KCTD19: variants seen among roughly 807,000 people sequenced by gnomAD.
KCTD19 encodes the protein BTB/POZ domain-containing protein KCTD19.
Under a neutral mutation model 103.5 loss-of-function variants are expected in KCTD19, and 67 were observed. The ratio of observed to expected loss-of-function variants is 0.65; its 90% CI spans 0.53 to 0.79. KCTD19 has a LOEUF of 0.79. KCTD19 is among the 30% of genes least tolerant of loss of function. The pLI is 0.00. For missense variants in KCTD19, 980 were observed against 1,136.1 expected (o/e 0.86, Z 1.98); for synonymous variants, 439 against 452.2 (o/e 0.97, Z 0.37).
In KCTD19 at chr16:67,310,955, A is replaced by G. The variant is rs371503705; in HGVS notation, c.301-6384T>C. Among the ~76,000 whole-genome samples the G allele has an allele frequency of 3.3e-5, 5 of 152,296 alleles. No individual in the cohort carries two copies. In the East Asian group the frequency reaches 5.8e-4, roughly 18 times the overall value. On this transcript the variant is annotated intron_variant, in intron 2 of 15. Coordinates refer to ENST00000304372, the MANE Select transcript of KCTD19 (RefSeq NM_001100915.3). ...CAGCTGCTGTCAGCCCCCAAAGCCA[A>G]ATAAGACGCAGCTTTCGGCATTTAA...
chr16:67,290,336 C>G (rs2036669238), intron 15 of KCTD19, among the ~76,000 whole-genome samples: 2 of 151,988 alleles, frequency 1.3e-5, no homozygotes, highest in Non-Finnish European at 2.9e-5. Flanking sequence ...CACCACCACG[C>G]CTGGCTAATT....
chr16:67,303,211 T>C lies in KCTD19; in HGVS notation c.578A>G (p.Asn193Ser), dbSNP rs1174156819. Residue 193 changes from asparagine (N) to serine (S), a missense_variant, in exon 4 of 16, where the codon AAC (asparagine) becomes AGC (serine). Asn to Ser is a conservative substitution (Grantham distance 46). Coordinates refer to ENST00000304372, the MANE Select transcript of KCTD19 (RefSeq NM_001100915.3). The surrounding 1 kb of genome is among the most constrained non-coding windows in gnomAD (Gnocchi z 4.3). ...CACCGTCTCAGCCAGCCACAGCAGG[T>C]TGTCTTCAGTCACTAGGCTGGGATA... The part of the protein sequence containing the change: ...AKYPSLVTED[N>S]LLWLAETVAL... 1.9e-6 allele frequency: 3 copies of C among 1,606,848 alleles called. No individual in the cohort carries two copies. The highest frequency in any genetic ancestry group is 2.6e-6 in the Non-Finnish European group (3 of 1,176,276).
chr16:67,293,755 C>G lies in KCTD19; in HGVS notation c.2007G>C (p.Gln669His), dbSNP rs2036728346. 1.2e-6 allele frequency: 2 copies of G among 1,614,028 alleles called. No individual in the cohort carries two copies. ...RSSPLEEATL[Q>H]LPLGSEAASQ... The stretch of plus-strand genomic sequence containing the variant: ...AAGCAGCCTCGCTTCCCAAGGGGAG[C>G]TGCAGGGTGGCCTCCTCCAAGGGGC... The change falls in exon 12 of 16, where the codon CAG becomes CAC. Residue 669 changes from glutamine (Q) to histidine (H), a missense_variant. Gln to His is a conservative substitution (Grantham distance 24). Coordinates refer to ENST00000304372, the MANE Select transcript of KCTD19 (RefSeq NM_001100915.3). The surrounding 1 kb of genome is among the most constrained non-coding windows in gnomAD (Gnocchi z 4.0).
intron 7 of KCTD19, among the ~76,000 whole-genome samples, chr16:67,296,871 T>C (rs1187852205): frequency 6.6e-6 from 1 of 152,176 alleles, no homozygotes; most frequent in Non-Finnish European, 1.5e-5. Context: ...ATAAGATGTA[T>C]AGAACTAGAC....
In KCTD19 at chr16:67,294,713, G is replaced by T; in HGVS notation, c.1476-19C>A. On this transcript the variant is annotated intron_variant, in intron 10 of 15. Coordinates refer to ENST00000304372, the MANE Select transcript of KCTD19 (RefSeq NM_001100915.3). The stretch of plus-strand genomic sequence containing the variant: ...CCATGACCTGCAGAAACCAAGAGGG[G>T]TTGGTTAGTGAGTAGAGACTTCCAT... 1.3e-6 allele frequency: 2 copies of T among 1,547,104 alleles called. No homozygotes were observed. Among genetic ancestry groups the T allele is most frequent in the Non-Finnish European group, 1.8e-6 (2 of 1,118,800 alleles).
chr16:67,321,587 G>GA (rs1363002704), intron 1 of KCTD19: 7 of 151,752 alleles, frequency 4.6e-5, no homozygotes, highest in African/African-American at 1.7e-4. Flanking sequence ...GAAAATACAA[G>GA]GGATCCAGAA....
intron 1 of KCTD19, 139 bp downstream of exon 1, chr16:67,326,566 C>T: frequency 8.6e-7 from 1 of 1,159,264 alleles, no homozygotes; most frequent in Non-Finnish European, 1.2e-6. Flanking sequence ...CCCCCCAAAT[C>T]CTTCCCGGCT....
chr16:67,305,642 A>AC, intron 2 of KCTD19: 1 of 452,496 alleles, frequency 2.2e-6, no homozygotes, highest in Non-Finnish European at 4.4e-6. Context: ...TAACATCAGC[A>AC]CCCCCTCCCT....
Position 67,294,589 on chromosome 16 carries a change from G to C in KCTD19, c.1581C>G (p.Asp527Glu). The stretch of plus-strand genomic sequence containing the variant: ...GGAGGCTGGTGCTTACTTCTTTAGT[G>C]TCTCTACTGAACTCCACCAGTGACC... ...GPGSLVEFSRDTKETTAYMPV... is the reference protein window; with the variant it reads ...GPGSLVEFSRETKETTAYMPV... Residue 527 changes from aspartate to glutamate, a missense_variant, in exon 11 of 16, where the codon GAC (aspartate) becomes GAG (glutamate). By Grantham distance (45) the Asp-to-Glu change is conservative (BLOSUM62 2). Coordinates refer to ENST00000304372, the MANE Select transcript of KCTD19 (RefSeq NM_001100915.3). 6.2e-7 allele frequency: 1 copy of C among 1,609,654 alleles called. No homozygotes were observed. The highest frequency in any genetic ancestry group is 1.1e-5 in the South Asian group (1 of 90,992).
chr16:67,313,109 G>T (rs954694877), intron 2 of KCTD19, among the ~76,000 whole-genome samples: 2 of 140,986 alleles, frequency 1.4e-5, no homozygotes, highest in Non-Finnish European at 3.0e-5. Context: ...ACTGAAATTA[G>T]AATTTTTTTT....
At position 67,311,211 on chromosome 16, in the gene KCTD19, G is replaced by A. The variant is rs998813767; in HGVS notation, c.301-6640C>T. On this transcript the variant is annotated intron_variant, in intron 2 of 15. Transcript: ENST00000304372. ...GATCACAACAGAATTAGCACTGCTA[G>A]AATGGGGGAATTCAGTCTGTTATGA... Among the ~76,000 whole-genome samples, 5 of 152,324 alleles carry A rather than the reference G, an allele frequency of 3.3e-5. No individual in the cohort carries two copies. The East Asian group carries it at 9.6e-4, about 29-fold the overall frequency.
rs2036800885 is a variant in KCTD19, at chr16:67,298,976, T to C, written c.986+387A>G. Among the ~76,000 whole-genome samples, 3 of 152,260 alleles carry C rather than the reference T, an allele frequency of 2.0e-5. No individual in the cohort carries two copies. The South Asian group carries it at 6.2e-4, about 31-fold the overall frequency. ...GGCTCACCCCTGGCTCTGGCCATTCTGTGTGTCCAGTGAGCCTCCCAAGAG... is the reference window on the plus strand; with the variant it reads ...GGCTCACCCCTGGCTCTGGCCATTCCGTGTGTCCAGTGAGCCTCCCAAGAG... On this transcript the variant is annotated intron_variant, in intron 6 of 15. Transcript: ENST00000304372.
Position 67,326,694 on chromosome 16 carries a change from G to C in KCTD19, c.3+11C>G, listed in dbSNP as rs377462036. 1.9e-5 allele frequency: 30 copies of C among 1,584,628 alleles called. No homozygotes were observed. Among genetic ancestry groups the C allele is most frequent in the Non-Finnish European group, 2.4e-5 (28 of 1,169,866 alleles). On this transcript the variant is annotated intron_variant, in intron 1 of 15. Coordinates refer to ENST00000304372, the MANE Select transcript of KCTD19 (RefSeq NM_001100915.3). ...GTGCTTTTGGCGCCCCCGCCAGAGCGGGCTCCGTACCATGGTCGCGGCTCC... is the reference window on the plus strand; with the variant it reads ...GTGCTTTTGGCGCCCCCGCCAGAGCCGGCTCCGTACCATGGTCGCGGCTCC...
chr16:67,299,688 G>A, intron 5 of KCTD19, 115 bp from the exon 6 acceptor site: 1 of 800,792 alleles, frequency 1.2e-6, no homozygotes, highest in Middle Eastern at 2.3e-4. Flanking sequence ...CTCAGAGGAA[G>A]GATATTTCTT....
At position 67,299,375 on chromosome 16, in the gene KCTD19, A is replaced by G; in HGVS notation, c.974T>C (p.Phe325Ser). The change falls in exon 6 of 16, where the codon TTT (phenylalanine) becomes TCT (serine). Residue 325 changes from phenylalanine (F) to serine (S), a missense_variant. By Grantham distance (155) the Phe-to-Ser change is radical (BLOSUM62 -2). Transcript: ENST00000304372. ...RLYITGNGVLFQHVKNWLGTC... is the reference protein window; with the variant it reads ...RLYITGNGVLSQHVKNWLGTC... ...AGGAGGACCTCACTTGACGTGCTGA[A>G]AGAGGACGCCATTCCCTGTGATGTA... 1 of 1,614,220 alleles carries G rather than the reference A, an allele frequency of 6.2e-7. No individual in the cohort carries two copies. The highest frequency in any genetic ancestry group is 8.5e-7 in the Non-Finnish European group (1 of 1,180,024).
chr16:67,299,214 C>T (rs187140031), intron 6 of KCTD19, 149 bp downstream of exon 6: 43 of 718,030 alleles, frequency 6.0e-5, no homozygotes, highest in African/African-American at 4.1e-4. Flanking sequence ...GGTAGTGTGG[C>T]GGTGCTGGTG....
At chr16:67,290,165 TTC>T (rs1481061738) in intron 15 of KCTD19, among the ~76,000 whole-genome samples, 1 of 146,746 alleles carries the variant, frequency 6.8e-6, no homozygotes, top group Non-Finnish European at 1.5e-5. Context: ...ACTGAATATT[TTC>T]TTTTTTTTTT....
chr16:67,302,305 G>T, intron 4 of KCTD19: 2 of 214,012 alleles, frequency 9.3e-6, no homozygotes, highest in Non-Finnish European at 1.9e-5. Flanking sequence ...TGGGCTGGCG[G>T]GTGGCACTTG....
chr16:67,313,539 AT>A (rs1269423163), intron 2 of KCTD19, among the ~76,000 whole-genome samples: 1 of 152,184 alleles, frequency 6.6e-6, no homozygotes, highest in Non-Finnish European at 1.5e-5. Flanking sequence ...AATTTCGTCC[AT>A]GGGCTGTAGT....
Sources: allele counts gnomAD v4.1 joint callset (sites outside exome capture counted in the v4.1 genomes callset), GRCh38; gene constraint gnomAD v4.1.1; non-coding constraint Gnocchi (gnomAD v3.1); transcripts MANE v1.5; gene names NCBI Gene and HGNC (gene_info 2026-07-23, HGNC 2026-07-21).